OSBPL8: variants seen among roughly 807,000 people sequenced by gnomAD.
The protein encoded by OSBPL8 is oxysterol-binding protein-related protein 8.
OSBPL8 carries 59 observed loss-of-function variants against 125.5 expected under a neutral mutation model. That is an observed-to-expected ratio of 0.47 (90% CI 0.38 to 0.58). OSBPL8 has a LOEUF of 0.58. Among genes scored for constraint, OSBPL8 ranks in the 20% least tolerant of loss-of-function variants. The pLI, the probability that OSBPL8 is intolerant of heterozygous loss-of-function variation, is 0.00. For synonymous variants in OSBPL8, 330 were observed against 338.9 expected (o/e 0.97, Z 0.29); for missense variants, 758 against 1,047.8 (o/e 0.72, Z 3.82).
intron 1 of OSBPL8, among the ~76,000 whole-genome samples, chr12:76,531,938 G>A (rs1457582300): frequency 6.6e-6 from 1 of 150,934 alleles, no homozygotes; most frequent in African/African-American, 2.4e-5. Flanking sequence ...TCAGGCGGCT[G>A]AGGCAGGAGA....
chr12:76,413,997 C>T (rs1403009057), intron 4 of OSBPL8, among the ~76,000 whole-genome samples: 2 of 152,116 alleles, frequency 1.3e-5, no homozygotes, highest in African/African-American at 4.8e-5. Context: ...AAACTCTTCC[C>T]TAAATCTGCA....
intron 2 of OSBPL8, chr12:76,486,090 T>G (rs1441914938): frequency 2.5e-6 from 1 of 405,978 alleles, no homozygotes; most frequent in Non-Finnish European, 4.9e-6. Flanking sequence ...AGCCAAGAAT[T>G]TCCACACCCA....
At chr12:76,378,628 C>A in intron 15 of OSBPL8, 78 bp from the exon 16 acceptor site, 5 of 972,756 alleles carry the variant, frequency 5.1e-6, no homozygotes, top group Non-Finnish European at 7.9e-6. Flanking sequence ...ATTTAGAACA[C>A]CTACCAGACA....
chr12:76,475,650 A>C (rs1198563305), intron 2 of OSBPL8, among the ~76,000 whole-genome samples: 1 of 152,228 alleles, frequency 6.6e-6, no homozygotes, highest in Admixed American at 6.5e-5. Flanking sequence ...TTTTGCAAGT[A>C]AGAACTGAAT....
At chr12:76,559,144 C>A (rs1423188142) in intron 1 of OSBPL8, among the ~76,000 whole-genome samples, 1 of 152,206 alleles carries the variant, frequency 6.6e-6, no homozygotes, top group African/African-American at 2.4e-5. Context: ...CTCCAACAGC[C>A]TCCCACCCCC....
intron 3 of OSBPL8, among the ~76,000 whole-genome samples, chr12:76,456,000 T>A (rs1873990579): frequency 6.6e-6 from 1 of 152,220 alleles, no homozygotes; most frequent in Non-Finnish European, 1.5e-5. Context: ...TTACTCATCT[T>A]TAGTAGAAAT....
intron 1 of OSBPL8, chr12:76,538,132 T>C (rs946735488): frequency 5.3e-5 from 8 of 152,052 alleles, no homozygotes; most frequent in Non-Finnish European, 1.0e-4. Context: ...TGACTCAGAG[T>C]AGAGAATGTA....
chr12:76,457,887 T>C (rs957383529), intron 3 of OSBPL8, among the ~76,000 whole-genome samples: 18 of 152,152 alleles, frequency 1.2e-4, no homozygotes, highest in African/African-American at 4.3e-4. Flanking sequence ...AGTCCATGTC[T>C]AAATATATGA....
intron 2 of OSBPL8, chr12:76,486,192 G>A: frequency 3.4e-6 from 1 of 295,322 alleles, no homozygotes; most frequent in South Asian, 3.2e-5. Context: ...TTCAAGAAAG[G>A]CTGGGACCAA....
At chr12:76,527,969 C>T (rs1322494667) in intron 1 of OSBPL8, among the ~76,000 whole-genome samples, 1 of 152,062 alleles carries the variant, frequency 6.6e-6, no homozygotes, top group Non-Finnish European at 1.5e-5. Context: ...TCTGTTTATC[C>T]CTGTCTACTT....
At chr12:76,387,229 G>A (rs965499015) in intron 12 of OSBPL8, among the ~76,000 whole-genome samples, 3 of 152,174 alleles carry the variant, frequency 2.0e-5, no homozygotes, top group African/African-American at 7.2e-5. Flanking sequence ...GTTGACGATA[G>A]CCTCTTTTGT....
chr12:76,457,498 T>C (rs1412436626), intron 3 of OSBPL8, among the ~76,000 whole-genome samples: 2 of 152,176 alleles, frequency 1.3e-5, no homozygotes, highest in African/African-American at 2.4e-5. Flanking sequence ...GAGTTTTAAA[T>C]TGTCACAAAC....
intron 7 of OSBPL8, among the ~76,000 whole-genome samples, chr12:76,399,094 G>A (rs758090796): frequency 6.6e-5 from 10 of 152,116 alleles, no homozygotes; most frequent in Admixed American, 2.0e-4. Flanking sequence ...GCACAAGATC[G>A]AAAACCCTAG....
chr12:76,521,961 C>T (rs1882099230), intron 1 of OSBPL8, among the ~76,000 whole-genome samples: 1 of 151,894 alleles, frequency 6.6e-6, no homozygotes, highest in Non-Finnish European at 1.5e-5. Flanking sequence ...TTTATTTTAC[C>T]ATAATAAAAT....
rs958117404 is a variant in OSBPL8, at chr12:76,358,248, C to T, written c.2434+458G>A. Among the ~76,000 whole-genome samples the T allele has an allele frequency of 2.2e-5, 3 of 136,826 alleles. No homozygotes were observed. The East Asian group carries it at 6.9e-4, about 31-fold the overall frequency. The allele number at this position is 136,826 out of a possible 152,430, so 89.8% of individuals were successfully genotyped here. A position where few individuals can be genotyped will look rare whatever the true frequency, so the allele number is the denominator to read the frequency against. ...AGGCTGGAGTGCAGTAGTGTGATCT[C>T]GGTTCAGTGCATCTTCCATCTCCGG... On this transcript the variant is annotated intron_variant, in intron 22 of 23. Transcript: ENST00000261183.
In OSBPL8 at chr12:76,415,707, A is replaced by C. The variant is rs1355954573; in HGVS notation, c.218-5073T>G. 2.0e-5 allele frequency among the ~76,000 whole-genome samples: 3 copies of C among 152,344 alleles called. No individual in the cohort carries two copies. The East Asian group carries it at 5.8e-4, about 29-fold the overall frequency. On this transcript the variant is annotated intron_variant, in intron 4 of 23. Transcript: ENST00000261183. ...GTTCACAATATTCTCTTACATGTTTAATACATGGCTCCAACTATAGTTATA... is the reference window on the plus strand; with the variant it reads ...GTTCACAATATTCTCTTACATGTTTCATACATGGCTCCAACTATAGTTATA...
At chr12:76,394,855 C>A in intron 8 of OSBPL8, 126 bp from the exon 9 acceptor site, 1 of 611,152 alleles carries the variant, frequency 1.6e-6, no homozygotes, top group Non-Finnish European at 2.6e-6. Flanking sequence ...GGCAAATGAG[C>A]TTTAATTTCA....
intron 1 of OSBPL8, among the ~76,000 whole-genome samples, chr12:76,543,796 C>T (rs1364555089): frequency 6.6e-6 from 1 of 152,110 alleles, no homozygotes; most frequent in Non-Finnish European, 1.5e-5. Flanking sequence ...GTTTAACTTA[C>T]ATGTAAGTCT....
chr12:76,436,032 T>G (rs756870830), intron 4 of OSBPL8, among the ~76,000 whole-genome samples: 1 of 152,190 alleles, frequency 6.6e-6, no homozygotes, highest in Non-Finnish European at 1.5e-5. Context: ...AACTGGAGTC[T>G]TGCAGCCATT....
Sources: gnomAD v4.1 joint callset for allele counts (sites outside exome capture counted in the v4.1 genomes callset) on GRCh38, gnomAD v4.1.1 for gene constraint, MANE v1.5 for transcripts, NCBI Gene and HGNC (gene_info 2026-07-23, HGNC 2026-07-21) for gene names.